Variants in UGT1A6 observed in about 807,000 individuals in gnomAD.
UGT1A6 encodes the protein UDP glucuronosyltransferase family 1 member A6.
A neutral mutation model predicts 44.4 loss-of-function variants in UGT1A6; 32 were observed. The observed-to-expected ratio is 0.72, with a 90% CI of 0.54 to 0.97. The LOEUF (loss-of-function observed/expected upper bound fraction) is 0.97. Ranked by LOEUF, UGT1A6 falls within the 50% of genes least tolerant of loss-of-function variation. UGT1A6 has a pLI of 0.00. For synonymous variants in UGT1A6, 238 were observed against 248.5 expected, an observed-to-expected ratio of 0.96 and a Z score of 0.40; for missense variants, 685 against 661.9, an observed-to-expected ratio of 1.03 and a Z score of -0.38.
At chr2:233,738,731 C>T (rs1205988900) in intron 1 of UGT1A6, among the ~76,000 whole-genome samples, 1 of 152,174 alleles carries the variant, frequency 6.6e-6, no homozygotes. Context: ...GGAAAATTTG[C>T]AGCCTGACCA....
At chr2:233,707,880 G>A (rs2075992428) in intron 1 of UGT1A6, among the ~76,000 whole-genome samples, 1 of 152,146 alleles carries the variant, frequency 6.6e-6, no homozygotes, top group South Asian at 2.1e-4. Context: ...TGATTGCTAA[G>A]GCATTAGTTA....
chr2:233,734,931 C>T (rs921627257), intron 1 of UGT1A6, among the ~76,000 whole-genome samples: 9 of 152,162 alleles, frequency 5.9e-5, no homozygotes, highest in Non-Finnish European at 8.8e-5. Flanking sequence ...GCTTTACTTA[C>T]AATCATATGG....
intron 1 of UGT1A6, chr2:233,719,173 A>C: frequency 1.9e-6 from 3 of 1,614,262 alleles, no homozygotes; most frequent in Non-Finnish European, 2.5e-6. Flanking sequence ...GCAATTATGA[A>C]CAATGTATCT....
rs1421246171 is a variant in UGT1A6, at chr2:233,747,288, G to T, written c.862-19746G>T. ...TACTCCTTCTCAGTGCCCAGCCCTG[G>T]GCTGAGAGTGGGAAGGTGCTGGTGG... On this transcript the variant is annotated intron_variant, in intron 1 of 4. Transcript: ENST00000305139. 3 of 1,601,214 alleles carry T rather than the reference G, an allele frequency of 1.9e-6. No homozygotes were observed. The African/African-American group carries it at 4.0e-5, about 22-fold the overall frequency.
intron 1 of UGT1A6, among the ~76,000 whole-genome samples, chr2:233,725,200 A>G (rs1336173793): frequency 5.4e-5 from 5 of 92,552 alleles, no homozygotes; most frequent in South Asian, 4.2e-4. Flanking sequence ...GCAGAGGCAG[A>G]GGCAGAGGCA....
At chr2:233,701,436 G>A (rs897816113) in intron 1 of UGT1A6, among the ~76,000 whole-genome samples, 72 of 152,132 alleles carry the variant, frequency 4.7e-4, no homozygotes, top group Non-Finnish European at 8.1e-4. Context: ...ACAGATCAAC[G>A]AGACAGAAAG....
chr2:233,772,599 C>A lies in UGT1A6; in HGVS notation c.*40C>A, dbSNP rs1313882407. ...ATAAGGTAAAATTTTGAACCATTCC[C>A]TAGTCATTTCCAAACTTGAAAACAG... On this transcript the variant is annotated 3_prime_UTR_variant, in exon 5 of 5. Coordinates refer to ENST00000305139, the MANE Select transcript of UGT1A6 (RefSeq NM_001072.4). 3.8e-6 allele frequency: 6 copies of A among 1,591,492 alleles called. No individual in the cohort carries two copies. Among genetic ancestry groups the A allele is most frequent in the Non-Finnish European group, 5.1e-6 (6 of 1,168,132 alleles).
At chr2:233,746,830 T>C (rs2125880707) in intron 1 of UGT1A6, among the ~76,000 whole-genome samples, 1 of 151,918 alleles carries the variant, frequency 6.6e-6, no homozygotes, top group South Asian at 2.1e-4. Context: ...TGCCTACCAC[T>C]GTTGGGGACC....
At chr2:233,705,031 G>T (rs10929285) in intron 1 of UGT1A6, among the ~76,000 whole-genome samples, 31,843 of 151,910 alleles carry the variant, frequency 0.21, 3,984 homozygotes, top group East Asian at 0.45. Flanking sequence ...AGCTACTCGG[G>T]AGGCTGAGGC....
intron 1 of UGT1A6, among the ~76,000 whole-genome samples, chr2:233,733,033 T>G (rs202002745): frequency 2.0e-5 from 3 of 152,098 alleles, no homozygotes; most frequent in Non-Finnish European, 4.4e-5. Context: ...CACATCCCTT[T>G]TAAGTTGGAT....
At chr2:233,751,929 T>C (rs1393855329) in intron 1 of UGT1A6, among the ~76,000 whole-genome samples, 1 of 152,160 alleles carries the variant, frequency 6.6e-6, no homozygotes, top group South Asian at 2.1e-4. Flanking sequence ...TTGGTGGTGA[T>C]TGAAGTTATA....
intron 2 of UGT1A6, 118 bp from the exon 3 acceptor site, chr2:233,767,727 TCCTC>T (rs945662817): frequency 4.7e-5 from 73 of 1,556,206 alleles, no homozygotes; most frequent in Non-Finnish European, 6.3e-5. Context: ...CAGTTACTGA[TCCTC>T]CCACTCTGTT....
chr2:233,752,072 T>C (rs1694888603), intron 1 of UGT1A6, among the ~76,000 whole-genome samples: 1 of 152,194 alleles, frequency 6.6e-6, no homozygotes, highest in Non-Finnish European at 1.5e-5. Flanking sequence ...GATGGGGAAG[T>C]CTCTCTACCT....
chr2:233,720,006 T>C (rs1403033451), intron 1 of UGT1A6, among the ~76,000 whole-genome samples: 1 of 152,190 alleles, frequency 6.6e-6, no homozygotes, highest in Non-Finnish European at 1.5e-5. Context: ...CATTCAGAAC[T>C]GATCCATCCT....
At chr2:233,760,916 T>G (rs1345834782) in intron 1 of UGT1A6, 6 of 1,614,048 alleles carry the variant, frequency 3.7e-6, no homozygotes, top group African/African-American at 2.7e-5. Flanking sequence ...CTGCAGCGGG[T>G]GAAGAACATG....
chr2:233,729,788 C>G, intron 1 of UGT1A6: 1 of 1,613,954 alleles, frequency 6.2e-7, no homozygotes, highest in Non-Finnish European at 8.5e-7. Flanking sequence ...CTGGCCCTGT[C>G]CTACATTTGC....
upstream of UGT1A6, among the ~76,000 whole-genome samples, chr2:233,692,665 T>C (rs2075108390): frequency 6.6e-6 from 1 of 152,170 alleles, no homozygotes; most frequent in African/African-American, 2.4e-5. Context: ...AAGTTCGGGA[T>C]AGAGAATTGG....
chr2:233,701,490 G>A (rs1170806303), intron 1 of UGT1A6, among the ~76,000 whole-genome samples: 10 of 151,864 alleles, frequency 6.6e-5, no homozygotes, highest in Admixed American at 2.6e-4. Context: ...TGCACCAAGC[G>A]GACCTAATAG....
At position 233,769,594 on chromosome 2, in the gene UGT1A6, G is replaced by T; in HGVS notation, c.1301+1155G>T. 1 of 1,612,864 alleles carries T rather than the reference G, an allele frequency of 6.2e-7. No homozygotes were observed. Among genetic ancestry groups the T allele is most frequent in the South Asian group, 1.1e-5 (1 of 91,060 alleles). ...GAGCATGTTCAGATGAGAGGAGACG[G>T]AACACGGGGACACACCAGCTTGAGC... On this transcript the variant is annotated intron_variant, in intron 4 of 4. Coordinates refer to ENST00000305139, the MANE Select transcript of UGT1A6 (RefSeq NM_001072.4). This position sits in a 1 kb window ranked among gnomAD's most constrained non-coding sequence, Gnocchi z 4.4.
Sources: gnomAD v4.1 joint callset for allele counts (sites outside exome capture counted in the v4.1 genomes callset) on GRCh38, gnomAD v4.1.1 for gene constraint, Gnocchi (gnomAD v3.1) non-coding constraint, MANE v1.5 for transcripts, NCBI Gene and HGNC (gene_info 2026-07-23, HGNC 2026-07-21) for gene names.